The following MAPK14 variants were observed in gnomAD, a reference collection of about 807,000 sequenced individuals.
MAPK14 encodes the protein mitogen-activated protein kinase 14.
In MAPK14, 16 loss-of-function variants were observed where a neutral mutation model predicts 49.6. The observed-to-expected ratio is 0.32, with a 90% CI of 0.22 to 0.49. MAPK14 has a LOEUF of 0.49. MAPK14 is among the 20% of genes least tolerant of loss of function. The pLI is 0.99. For synonymous variants in MAPK14, 142 were observed against 158.0 expected, an observed-to-expected ratio of 0.90 and a Z score of 0.76; for missense variants, 200 against 441.2, an observed-to-expected ratio of 0.45 and a Z score of 4.90.
chr6:36,044,563 A>G (rs1426695155), intron 1 of MAPK14, among the ~76,000 whole-genome samples: 3 of 152,194 alleles, frequency 2.0e-5, no homozygotes, highest in Admixed American at 2.0e-4. Context: ...AGTTCCCTAT[A>G]TCTCTATACC....
chr6:36,029,475 TAAAC>T lies in MAPK14; in HGVS notation c.116+1203_116+1206del, dbSNP rs543150214. On this transcript the variant is annotated intron_variant, in intron 1 of 11. Coordinates refer to ENST00000229794, the MANE Select transcript of MAPK14 (RefSeq NM_139012.3). ...TCTATAATTTGAAAGCTACGGATCT[TAAAC>T]TAAGTATCAGATTTAACTGTTAGCT... 9.8e-5 allele frequency among the ~76,000 whole-genome samples: 15 copies of T among 152,376 alleles called. No homozygotes were observed. In the East Asian group the frequency reaches 1.7e-3, roughly 18 times the overall value.
Position 36,107,574 on chromosome 6 carries a change from G to A in MAPK14, c.961G>A (p.Asp321Asn), listed in dbSNP as rs142415666. The change falls in exon 11 of 12, where the codon GAT becomes AAT. Residue 321 changes from aspartate (D) to asparagine (N), a missense_variant. Transcript: ENST00000229794. The surrounding 1 kb of genome is among the most constrained non-coding windows in gnomAD (Gnocchi z 4.3). ...CGATCCTGATGATGAACCAGTGGCCGATCCTTATGATCAGTCCTTTGAAAG... is the reference window on the plus strand; with the variant it reads ...CGATCCTGATGATGAACCAGTGGCCAATCCTTATGATCAGTCCTTTGAAAG... Reference protein sequence around the residue: ...YHDPDDEPVADPYDQSFESRD... With the variant: ...YHDPDDEPVANPYDQSFESRD... The A allele has an allele frequency of 6.2e-6, 10 of 1,604,156 alleles. No individual in the cohort carries two copies. The highest frequency in any genetic ancestry group is 1.3e-5 in the African/African-American group (1 of 74,660).
At chr6:36,067,431 A>G (rs1353866268) in intron 3 of MAPK14, among the ~76,000 whole-genome samples, 1 of 152,032 alleles carries the variant, frequency 6.6e-6, no homozygotes, top group African/African-American at 2.4e-5. Flanking sequence ...AGGGCCCAGA[A>G]ATACGTATTT....
At chr6:36,067,369 T>G (rs909442445) in intron 3 of MAPK14, among the ~76,000 whole-genome samples, 24 of 152,212 alleles carry the variant, frequency 1.6e-4, no homozygotes, top group African/African-American at 5.1e-4. Flanking sequence ...TATTCATATA[T>G]GCCTTCCTTT....
At chr6:36,113,527 C>G (rs755689595), downstream of MAPK14, among the ~76,000 whole-genome samples, 10 of 152,136 alleles carry the variant, frequency 6.6e-5, no homozygotes, top group African/African-American at 1.4e-4. Context: ...AGATGTGCAA[C>G]ATACATTGTG....
At chr6:36,094,376 T>C (rs1266475671) in intron 8 of MAPK14, among the ~76,000 whole-genome samples, 3 of 152,224 alleles carry the variant, frequency 2.0e-5, no homozygotes, top group African/African-American at 4.8e-5. Context: ...CTTGTTGTAA[T>C]TGGAAACACC....
rs146532643 is a variant in MAPK14 at position 36,103,010 on chromosome 6, A to G, written c.841+361A>G. Among the ~76,000 whole-genome samples, 808 of 152,304 alleles carry G rather than the reference A, an allele frequency of 5.3e-3. 7 individuals carry two copies. Among genetic ancestry groups the G allele is most frequent in the African/African-American group, 0.015 (639 of 41,552 alleles). On this transcript the variant is annotated intron_variant, in intron 10 of 11. Coordinates refer to ENST00000229794, the MANE Select transcript of MAPK14 (RefSeq NM_139012.3). Reference sequence around the variant, plus strand: ...GTGGATTTATGGTGTCTCTGAGTGGAGGACAGAAACCACTGAAGTGCAGGT... The same window carrying G: ...GTGGATTTATGGTGTCTCTGAGTGGGGGACAGAAACCACTGAAGTGCAGGT...
At chr6:36,081,226 A>G (rs1217141680) in intron 8 of MAPK14, among the ~76,000 whole-genome samples, 1 of 151,908 alleles carries the variant, frequency 6.6e-6, no homozygotes, top group Non-Finnish European at 1.5e-5. Flanking sequence ...TTGATGTCAT[A>G]TTTTAGACTG....
downstream of MAPK14, among the ~76,000 whole-genome samples, chr6:36,114,127 C>T (rs762885741): frequency 6.6e-6 from 1 of 152,224 alleles, no homozygotes; most frequent in Non-Finnish European, 1.5e-5. Context: ...ATGCCAGTAG[C>T]ACTCATGCTC....
chr6:36,071,152 A>T (rs1581785755), intron 3 of MAPK14, among the ~76,000 whole-genome samples: 1 of 151,728 alleles, frequency 6.6e-6, no homozygotes, highest in African/African-American at 2.4e-5. Flanking sequence ...GGCCAACATG[A>T]TGAAACCCCG....
intron 9 of MAPK14, chr6:36,100,107 T>C: frequency 9.8e-7 from 1 of 1,018,218 alleles, no homozygotes; most frequent in Admixed American, 1.7e-5. Flanking sequence ...TGGGGGTGGC[T>C]TTTTGACCTT....
chr6:36,120,138 G>A, the MAPK14 span, among the ~76,000 whole-genome samples: 1 of 152,096 alleles, frequency 6.6e-6, no homozygotes, highest in African/African-American at 2.4e-5. Flanking sequence ...TATCACAACT[G>A]TAAAATGGGA....
Position 36,028,210 on chromosome 6 carries a change from G to A in MAPK14, c.53G>A (p.Trp18Ter), listed in dbSNP as rs1286610461. The change falls in exon 1 of 12, where the codon TGG becomes TAG. Residue 18 changes from tryptophan (W) to a stop codon, truncating the protein, a stop_gained. Transcript: ENST00000229794. LOFTEE classifies it high-confidence loss of function. The surrounding 1 kb of genome is among the most constrained non-coding windows in gnomAD (Gnocchi z 5.1). The part of the protein sequence containing the change: ...FYRQELNKTI[W>*]EVPERYQNLS... ...CGGCAGGAGCTGAACAAGACAATCT[G>A]GGAGGTGCCCGAGCGTTACCAGAAC... 1 of 1,613,820 alleles carries A rather than the reference G, an allele frequency of 6.2e-7. No individual in the cohort carries two copies. The highest frequency in any genetic ancestry group is 1.1e-5 in the South Asian group (1 of 91,082).
chr6:36,066,994 G>A (rs1438746489), intron 3 of MAPK14, among the ~76,000 whole-genome samples: 1 of 151,950 alleles, frequency 6.6e-6, no homozygotes, highest in Non-Finnish European at 1.5e-5. Context: ...AAGTGGTCTA[G>A]GAAAAAGATT....
the MAPK14 span, among the ~76,000 whole-genome samples, chr6:36,116,934 T>C: frequency 1.3e-5 from 2 of 152,232 alleles, no homozygotes; most frequent in South Asian, 2.1e-4. Flanking sequence ...TATCCTGATA[T>C]CAACGTTGAA....
chr6:36,077,639 T>G (rs971576509), intron 8 of MAPK14, among the ~76,000 whole-genome samples: 5 of 152,316 alleles, frequency 3.3e-5, no homozygotes, highest in Admixed American at 1.3e-4. Context: ...GAATGTACTT[T>G]CATTATGAAC....
chr6:36,092,455 G>T, intron 8 of MAPK14: 1 of 654,496 alleles, frequency 1.5e-6, no homozygotes. Flanking sequence ...TGCAGCACAG[G>T]GATGACCGCT....
intron 1 of MAPK14, among the ~76,000 whole-genome samples, chr6:36,035,096 A>G (rs556219429): frequency 3.9e-4 from 59 of 151,866 alleles, no homozygotes; most frequent in African/African-American, 1.4e-3. Context: ...ATGGGGTTTC[A>G]CCATGTTGGT....
At chr6:36,063,816 A>G (rs180971869) in intron 3 of MAPK14, among the ~76,000 whole-genome samples, 4 of 152,146 alleles carry the variant, frequency 2.6e-5, no homozygotes, top group Non-Finnish European at 4.4e-5. Context: ...CCACCATAGG[A>G]TGTGGTTGTA....
Sources: allele counts gnomAD v4.1 joint callset (sites outside exome capture counted in the v4.1 genomes callset), GRCh38; gene constraint gnomAD v4.1.1; non-coding constraint Gnocchi (gnomAD v3.1); transcripts MANE v1.5; gene names NCBI Gene and HGNC (gene_info 2026-07-23, HGNC 2026-07-21).